Variants in HSPH1 observed in about 807,000 individuals in gnomAD.
The protein encoded by HSPH1 is heat shock protein 105 kDa.
In HSPH1, 40 loss-of-function variants were observed where a neutral mutation model predicts 100.0. That is an observed-to-expected ratio of 0.40 (90% CI 0.31 to 0.52). The LOEUF is 0.52. HSPH1 is among the 20% of genes least tolerant of loss of function. The probability of loss-of-function intolerance (pLI) is 0.54; values close to 1 mark genes in which losing one functional copy is unlikely to be tolerated. For synonymous variants in HSPH1, 403 were observed against 344.0 expected (o/e 1.17, Z -1.90); for missense variants, 876 against 1,015.1 (o/e 0.86, Z 1.86).
At chr13:31,162,107 G>A (rs1384076791), upstream of HSPH1, 2 of 1,535,826 alleles carry the variant, frequency 1.3e-6, no homozygotes, top group Non-Finnish European at 1.7e-6. Context: ...CAGCGACAGG[G>A]CCGCTCCCGT....
At chr13:31,146,843 AAAAT>A (rs561514345) in intron 10 of HSPH1, among the ~76,000 whole-genome samples, 254 of 152,320 alleles carry the variant, frequency 1.7e-3, no homozygotes, top group South Asian at 0.011. Flanking sequence ...CACTGAGTCA[AAAAT>A]AAGTATTTTG....
chr13:31,152,675 T>C (rs1204415349), intron 5 of HSPH1, 177 bp downstream of exon 5: 3 of 458,912 alleles, frequency 6.5e-6, no homozygotes, highest in Non-Finnish European at 1.2e-5. Context: ...ATTCATAAGT[T>C]TGATAAAATA....
At chr13:31,141,304 C>T in intron 12 of HSPH1, 45 bp from the exon 13 acceptor site, 2 of 1,511,968 alleles carry the variant, frequency 1.3e-6, no homozygotes, top group African/African-American at 1.4e-5. Context: ...AAACAACCCA[C>T]TTGGAAAAAC....
Position 31,146,397 on chromosome 13 carries a change from A to G in HSPH1, c.1379-629T>C, listed in dbSNP as rs376939692. Among the ~76,000 whole-genome samples, 117 of 152,300 alleles carry G rather than the reference A, an allele frequency of 7.7e-4. 2 individuals carry two copies. Among genetic ancestry groups the G allele is most frequent in the East Asian group, 7.5e-3 (39 of 5,172 alleles). On this transcript the variant is annotated intron_variant, in intron 10 of 17. Coordinates refer to ENST00000320027, the MANE Select transcript of HSPH1 (RefSeq NM_006644.4). The stretch of plus-strand genomic sequence containing the variant: ...GGCAAACACTGAATCTAAGATACTG[A>G]TAACAAGCAGTCCTTGTCTCCTCCT...
chr13:31,157,390 C>T (rs769456832), intron 2 of HSPH1, among the ~76,000 whole-genome samples: 2 of 152,162 alleles, frequency 1.3e-5, no homozygotes, highest in African/African-American at 2.4e-5. Flanking sequence ...TCTCTCTCTT[C>T]CAATGTAACA....
intron 11 of HSPH1, 98 bp downstream of exon 11, chr13:31,145,465 A>T: frequency 1.2e-6 from 1 of 847,910 alleles, no homozygotes; most frequent in Non-Finnish European, 1.8e-6. Context: ...ATTATTCATG[A>T]AGGAAAACAT....
At chr13:31,151,324 A>C in intron 6 of HSPH1, 133 bp from the exon 7 acceptor site, 1 of 808,890 alleles carries the variant, frequency 1.2e-6, no homozygotes, top group Non-Finnish European at 1.9e-6. Context: ...ATGAAATCCA[A>C]ATCAGTCAGG....
rs1226215943 is a variant in HSPH1 at position 31,138,401 on chromosome 13, A to G, written c.2370+6T>C. 1.9e-6 allele frequency: 3 copies of G among 1,612,218 alleles called. No homozygotes were observed. Among genetic ancestry groups the G allele is most frequent in the East Asian group, 2.2e-5 (1 of 44,826 alleles). ...CCAGCAGTAAACACGAGACAGTAAC[A>G]CTCACCTTGATTTTTGTTTTAATTT... On this transcript the variant is annotated splice_donor_region_variant and intron_variant, in intron 17 of 17. Transcript: ENST00000320027.
rs1956334086 is a variant in HSPH1 at position 31,148,073 on chromosome 13, G to C, written c.1264C>G (p.Arg422Gly). The change falls in exon 10 of 18, where the codon CGA (arginine) becomes GGA (glycine). Residue 422 changes from arginine (R) to glycine (G), a missense_variant. By Grantham distance (125) the Arg-to-Gly change is moderately radical. Coordinates refer to ENST00000320027, the MANE Select transcript of HSPH1 (RefSeq NM_006644.4). ...TTGGAGAAAGGAGCAGCATGGTTTC[G>C]ACTAAAGACTTCATGAACACTAGAG... ...DTEGVHEVFS[R>G]NHAAPFSKVL... 10 of 1,606,294 alleles carry C rather than the reference G, an allele frequency of 6.2e-6. No homozygotes were observed. The highest frequency in any genetic ancestry group is 7.6e-6 in the Non-Finnish European group (9 of 1,177,800).
chr13:31,161,834 T>C lies in HSPH1; in HGVS notation c.-252A>G. The stretch of plus-strand genomic sequence containing the variant: ...GCGGGGCTCAGCCTCCGCAGGTCGC[T>C]CCGCACCTCGGGTTGCCTGCCTCAC... On this transcript the variant is annotated 5_prime_UTR_variant, in exon 1 of 18. Transcript: ENST00000320027. 8 of 1,476,150 alleles carry C rather than the reference T, an allele frequency of 5.4e-6. No individual in the cohort carries two copies. Among genetic ancestry groups the C allele is most frequent in the Non-Finnish European group, 7.2e-6 (8 of 1,114,790 alleles). 91.4% of individuals were successfully genotyped at this position (1,476,150 alleles called of 1,614,324 possible).
At position 31,145,885 on chromosome 13, in the gene HSPH1, C is replaced by T. The variant is rs989197108; in HGVS notation, c.1379-117G>A. 1.1e-5 allele frequency: 9 copies of T among 828,584 alleles called. No homozygotes were observed. The African/African-American group carries it at 1.2e-4, about 11-fold the overall frequency. 51.3% of individuals were successfully genotyped at this position (828,584 alleles called of 1,614,324 possible). Reference sequence around the variant, plus strand: ...CTGTAATCCCAGCACTTTGGGAGGCCGTGGTGGGTCACTTGAGCCCAAGAG... The same window carrying T: ...CTGTAATCCCAGCACTTTGGGAGGCTGTGGTGGGTCACTTGAGCCCAAGAG... On this transcript the variant is annotated intron_variant, in intron 10 of 17. Transcript: ENST00000320027.
intron 2 of HSPH1, 60 bp downstream of exon 2, chr13:31,158,746 G>C (rs1001733929): frequency 2.0e-5 from 21 of 1,065,318 alleles, no homozygotes; most frequent in Non-Finnish European, 3.1e-5. Context: ...TGTCTCTTGA[G>C]ATTTTCCTTT....
At chr13:31,151,883 G>A in intron 5 of HSPH1, 141 bp from the exon 6 acceptor site, 1 of 615,736 alleles carries the variant, frequency 1.6e-6, no homozygotes, top group East Asian at 2.9e-5. Flanking sequence ...TTTTATACCT[G>A]ACTTCACACT....
At position 31,143,941 on chromosome 13, in the gene HSPH1, G is replaced by C. The variant is rs780576756; in HGVS notation, c.1585-18C>G. On this transcript the variant is annotated intron_variant, in intron 11 of 17. Transcript: ENST00000320027. ...ACATTTTTCTGAAATGAAAGCCCAG[G>C]CACAAAGGATGTAGAAAGCAGGTGT... 1.7e-5 allele frequency: 26 copies of C among 1,571,122 alleles called. No homozygotes were observed. The highest frequency in any genetic ancestry group is 2.2e-5 in the Non-Finnish European group (26 of 1,158,162).
intron 14 of HSPH1, among the ~76,000 whole-genome samples, chr13:31,139,655 C>T (rs982906882): frequency 1.3e-5 from 2 of 152,036 alleles, no homozygotes; most frequent in African/African-American, 4.8e-5. Flanking sequence ...TTTAAATGAC[C>T]CGTAACTAAA....
At chr13:31,148,274 C>G (rs1406961260) in intron 9 of HSPH1, 100 bp downstream of exon 9, 1 of 999,802 alleles carries the variant, frequency 1.0e-6, no homozygotes, top group African/African-American at 1.6e-5. Context: ...AAATTAATGA[C>G]TACTAGAGAA....
At chr13:31,157,116 T>C (rs192083854) in intron 2 of HSPH1, among the ~76,000 whole-genome samples, 149 of 152,332 alleles carry the variant, frequency 9.8e-4, no homozygotes, top group African/African-American at 3.3e-3. Context: ...TTTCAAACAA[T>C]ATAGAATTCA....
Position 31,151,604 on chromosome 13 carries a change from T to C in HSPH1, c.663+5A>G, listed in dbSNP as rs777970786. ...TGGACACTGAGTTCCAATGTATGAC[T>C]TTACCTTCAATTTTCCCTTGTTAAA... is the stretch of plus-strand genomic sequence containing the variant. On this transcript the variant is annotated splice_donor_5th_base_variant and intron_variant, in intron 6 of 17. Transcript: ENST00000320027. 1.9e-6 allele frequency: 3 copies of C among 1,609,302 alleles called. No individual in the cohort carries two copies. In the East Asian group the frequency reaches 6.7e-5, roughly 36 times the overall value.
chr13:31,147,341 CCT>C (rs1362527068), intron 10 of HSPH1, among the ~76,000 whole-genome samples: 1 of 152,122 alleles, frequency 6.6e-6, no homozygotes, highest in Non-Finnish European at 1.5e-5. Flanking sequence ...AGGTTGGACT[CCT>C]TCAAACAATT....
Sources: gnomAD v4.1 joint callset for allele counts (sites outside exome capture counted in the v4.1 genomes callset) on GRCh38, gnomAD v4.1.1 for gene constraint, MANE v1.5 for transcripts, NCBI Gene and HGNC (gene_info 2026-07-23, HGNC 2026-07-21) for gene names.